The following ZNF181 variants were observed in gnomAD, a reference collection of about 807,000 sequenced individuals.
ZNF181 encodes zinc finger protein 181 (HHZ181).
Under a neutral mutation model 11.9 loss-of-function variants are expected in ZNF181, and 8 were observed. The ratio of observed to expected loss-of-function variants is 0.67; its 90% confidence interval spans 0.39 to 1.21. The LOEUF (loss-of-function observed/expected upper bound fraction) is 1.21, where lower values mean the gene tolerates loss of function less well. ZNF181 is among the 50% of genes most tolerant of loss of function. ZNF181 has a pLI of 0.01. For synonymous variants in ZNF181, 202 were observed against 221.1 expected, an observed-to-expected ratio of 0.91 and a Z score of 0.77; for missense variants, 542 against 670.9, an observed-to-expected ratio of 0.81 and a Z score of 2.12.
rs2068936938 is a variant in ZNF181, at chr19:34,739,536, A to G, written c.144A>G (p.Val48=). 1 of 1,614,042 alleles carries G rather than the reference A, an allele frequency of 6.2e-7. No individual in the cohort carries two copies. The part of the protein sequence containing the change: ...ENLVSVAGLS[V]TKPYVITLLE... ...TCTTCCTGTAAGCAGGTCTTTCTGT[A>G]ACTAAGCCATATGTGATCACGTTAT... is the stretch of plus-strand genomic sequence containing the variant. The change falls in exon 3 of 4, where the codon GTA becomes GTG. Residue 48 remains valine, a synonymous_variant. Transcript: ENST00000492450.
chr19:34,740,587 C>A, intron 3 of ZNF181, 24 bp from the exon 4 acceptor site: 3 of 1,520,106 alleles, frequency 2.0e-6, no homozygotes, highest in South Asian at 1.4e-5. Flanking sequence ...CAAAACAGTG[C>A]TTTGCTTTTT....
At chr19:34,739,658 TA>T in intron 3 of ZNF181, 37 bp downstream of exon 3, 1 of 1,610,548 alleles carries the variant, frequency 6.2e-7, no homozygotes, top group Non-Finnish European at 8.5e-7. Context: ...AAGATTTTGT[TA>T]AAAAGGGTCC....
At chr19:34,736,134 G>T (rs1016471165) in intron 1 of ZNF181, 1 of 702,926 alleles carries the variant, frequency 1.4e-6, no homozygotes, top group African/African-American at 1.7e-5. Flanking sequence ...ATTGTGGAGT[G>T]AATAAGATGA....
Position 34,740,910 on chromosome 19 carries a change from T to C in ZNF181, c.529T>C (p.Ser177Pro). 6.2e-7 allele frequency: 1 copy of C among 1,614,020 alleles called. No homozygotes were observed. The highest frequency in any genetic ancestry group is 1.1e-5 in the South Asian group (1 of 91,072). ...KSTLSEPQKI[S>P]AEGNSHKYDI... ...TACTCTTTCTGAACCACAAAAAATT[T>C]CTGCTGAAGGGAATTCACACAAATA... is the stretch of plus-strand genomic sequence containing the variant. Residue 177 changes from serine (S) to proline (P), a missense_variant, in exon 4 of 4, where the codon TCT (serine) becomes CCT (proline). Coordinates refer to ENST00000492450, the MANE Select transcript of ZNF181 (RefSeq NM_001029997.4).
chr19:34,740,574 AAAC>A, intron 3 of ZNF181, 34 bp from the exon 4 acceptor site: 1 of 1,519,788 alleles, frequency 6.6e-7, no homozygotes, highest in Non-Finnish European at 8.8e-7. Flanking sequence ...AGTTAAAAAA[AAAC>A]AAAACAGTGC....
rs904242343 is a variant in ZNF181, at chr19:34,744,447, G to C, written c.*2350G>C. ...AGACCGAGGCAGGAGGATTGCTTGAGGCCAGGAGTTTGAGACCAGCCTGGG... is the reference window on the plus strand; with the variant it reads ...AGACCGAGGCAGGAGGATTGCTTGACGCCAGGAGTTTGAGACCAGCCTGGG... On this transcript the variant is annotated 3_prime_UTR_variant, in exon 4 of 4. Coordinates refer to ENST00000492450, the MANE Select transcript of ZNF181 (RefSeq NM_001029997.4). 6.6e-6 allele frequency: 1 copy of C among 151,854 alleles called. No individual in the cohort carries two copies. Among genetic ancestry groups the C allele is most frequent in the African/African-American group, 2.4e-5 (1 of 41,178 alleles). The allele number at this position is 151,854 out of a possible 1,614,324, so 9.4% of individuals were successfully genotyped here.
In ZNF181 at chr19:34,740,665, A is replaced by G. The variant is rs2068954939; in HGVS notation, c.284A>G (p.Asp95Gly). ...KELSTKKDNY[D>G]EDSPQTVIIE... Reference sequence around the variant, plus strand: ...TTATCAACAAAGAAGGATAATTATGATGAAGATTCACCCCAAACAGTAATA... The same window carrying G: ...TTATCAACAAAGAAGGATAATTATGGTGAAGATTCACCCCAAACAGTAATA... Residue 95 changes from aspartate (D) to glycine (G), a missense_variant, in exon 4 of 4, where the codon GAT becomes GGT. Coordinates refer to ENST00000492450, the MANE Select transcript of ZNF181 (RefSeq NM_001029997.4). The G allele has an allele frequency of 1.2e-6, 2 of 1,603,448 alleles. No individual in the cohort carries two copies. The highest frequency in any genetic ancestry group is 1.7e-6 in the Non-Finnish European group (2 of 1,175,864).
At chr19:34,736,819 C>T (rs369772312) in intron 1 of ZNF181, among the ~76,000 whole-genome samples, 2 of 152,198 alleles carry the variant, frequency 1.3e-5, no homozygotes, top group South Asian at 4.1e-4. Context: ...AATGCCAGGA[C>T]AGATAGGCTA....
At position 34,745,241 on chromosome 19, in the gene ZNF181, A is replaced by G. The variant is rs1236941420; in HGVS notation, c.*3144A>G. 1 of 152,202 alleles carries G rather than the reference A, an allele frequency of 6.6e-6. No homozygotes were observed. Among genetic ancestry groups the G allele is most frequent in the African/African-American group, 2.4e-5 (1 of 41,460 alleles). 9.4% of individuals were successfully genotyped at this position (152,202 alleles called of 1,614,324 possible). On this transcript the variant is annotated 3_prime_UTR_variant, in exon 4 of 4. Transcript: ENST00000492450. ...GAGGTGTGTGTGTGTGAACAGCATT[A>G]AACTTTGGAGTCATGTTACCTGGGT... is the stretch of plus-strand genomic sequence containing the variant.
At chr19:34,737,594 T>TTAGAG (rs537329443) in intron 1 of ZNF181, among the ~76,000 whole-genome samples, 274 of 152,376 alleles carry the variant, frequency 1.8e-3, no homozygotes, top group African/African-American at 6.3e-3. Flanking sequence ...GAACATTTCC[T>TTAGAG]TATTTTCTTT....
rs967940645 is a variant in ZNF181 at position 34,745,283 on chromosome 19, T to C, written c.*3186T>C. On this transcript the variant is annotated 3_prime_UTR_variant, in exon 4 of 4. Coordinates refer to ENST00000492450, the MANE Select transcript of ZNF181 (RefSeq NM_001029997.4). Reference sequence around the variant, plus strand: ...TACCTGGGTTTAAATCCAAGTTGCATGAATACTGGCTTTGTGTGACCTTGG... The same window carrying C: ...TACCTGGGTTTAAATCCAAGTTGCACGAATACTGGCTTTGTGTGACCTTGG... The C allele has an allele frequency of 2.0e-5, 3 of 152,222 alleles. No homozygotes were observed. The highest frequency in any genetic ancestry group is 4.4e-5 in the Non-Finnish European group (3 of 68,040). The allele number at this position is 152,222 out of a possible 1,614,324, so 9.4% of individuals were successfully genotyped here.
chr19:34,735,140 A>G (rs373312763), intron 1 of ZNF181, 94 bp downstream of exon 1: 6 of 1,398,502 alleles, frequency 4.3e-6, no homozygotes, highest in Non-Finnish European at 4.9e-6. Context: ...AACCAAGTCC[A>G]TTTAAGGGAC....
chr19:34,735,186 A>G (rs746579119), intron 1 of ZNF181, 140 bp downstream of exon 1: 68 of 872,280 alleles, frequency 7.8e-5, no homozygotes, highest in Middle Eastern at 2.3e-4. Context: ...GGAAGGACGG[A>G]GCCCACAGGA....
chr19:34,739,589 T>C lies in ZNF181; in HGVS notation c.197T>C (p.Met66Thr), dbSNP rs757888488. 6.2e-7 allele frequency: 1 copy of C among 1,614,052 alleles called. No individual in the cohort carries two copies. The highest frequency in any genetic ancestry group is 8.5e-7 in the Non-Finnish European group (1 of 1,179,954). Residue 66 changes from methionine to threonine, a missense_variant, in exon 3 of 4, where the codon ATG becomes ACG. Physicochemically the swap from Met to Thr is moderately conservative, Grantham distance 81. Transcript: ENST00000492450. ...LLEDGKEPWM[M>T]EKKLSKGMIP... ...GAGGATGGAAAAGAGCCCTGGATGATGGAGAAAAAACTGTCAAAAGGTATG... is the reference window on the plus strand; with the variant it reads ...GAGGATGGAAAAGAGCCCTGGATGACGGAGAAAAAACTGTCAAAAGGTATG...
rs1190798711 is a variant in ZNF181, at chr19:34,743,216, T to G, written c.*1119T>G. 1 of 152,218 alleles carries G rather than the reference T, an allele frequency of 6.6e-6. No homozygotes were observed. The highest frequency in any genetic ancestry group is 1.5e-5 in the Non-Finnish European group (1 of 68,024). The allele number at this position is 152,218 out of a possible 1,614,324, so 9.4% of individuals were successfully genotyped here. On this transcript the variant is annotated 3_prime_UTR_variant, in exon 4 of 4. Coordinates refer to ENST00000492450, the MANE Select transcript of ZNF181 (RefSeq NM_001029997.4). Reference sequence around the variant, plus strand: ...GTTTCTGTATGAGTTGATTTGAATTTGCATTTTTCATGCGTTCTTAGGCGA... The same window carrying G: ...GTTTCTGTATGAGTTGATTTGAATTGGCATTTTTCATGCGTTCTTAGGCGA...
chr19:34,740,868 AC>A lies in ZNF181; in HGVS notation c.489del (p.His165IlefsTer24). 2 of 1,614,026 alleles carry A rather than the reference AC, an allele frequency of 1.2e-6. No homozygotes were observed. Among genetic ancestry groups the A allele is most frequent in the Non-Finnish European group, 1.7e-6 (2 of 1,179,962 alleles). Reference sequence around the variant, plus strand: ...TTACAAATACAATATATTTAGAAGCACCTTTCATTCAAAGTCTACTCTTTCT... The same window carrying A: ...TTACAAATACAATATATTTAGAAGCACTTTCATTCAAAGTCTACTCTTTCT... Reference protein sequence around the residue: ...SVYKYNIFRSTFHSKSTLSEP... With the variant: ...SVYKYNIFRSXFHSKSTLSEP... On this transcript the variant is annotated frameshift_variant, in exon 4 of 4. Coordinates refer to ENST00000492450, the MANE Select transcript of ZNF181 (RefSeq NM_001029997.4). LOFTEE classifies it low-confidence loss of function (END_TRUNC).
chr19:34,735,172 T>A, intron 1 of ZNF181, 126 bp downstream of exon 1: 2 of 1,094,920 alleles, frequency 1.8e-6, no homozygotes, highest in Non-Finnish European at 1.3e-6. Context: ...TTCCTTTCAG[T>A]ATAGGAAGGA....
At chr19:34,735,101 T>A (rs2145411392) in intron 1 of ZNF181, 55 bp downstream of exon 1, 1 of 1,550,762 alleles carries the variant, frequency 6.4e-7, no homozygotes, top group East Asian at 2.4e-5. Context: ...ACTGTGTGTT[T>A]GCTTTGCTTC....
chr19:34,739,070 C>G, intron 1 of ZNF181, 78 bp from the exon 2 acceptor site: 4 of 1,590,116 alleles, frequency 2.5e-6, no homozygotes, highest in Non-Finnish European at 3.4e-6. Flanking sequence ...TCTCCCACAA[C>G]CAGGCTAATT....
Sources: allele counts gnomAD v4.1 joint callset (sites outside exome capture counted in the v4.1 genomes callset), GRCh38; gene constraint gnomAD v4.1.1; transcripts MANE v1.5; gene names NCBI Gene and HGNC (gene_info 2026-07-23, HGNC 2026-07-21).